ZNF717: variants seen among roughly 807,000 people sequenced by gnomAD.
ZNF717 encodes zinc finger protein 717.
In ZNF717, 9 loss-of-function variants were observed where a neutral mutation model predicts 13.8. The ratio of observed to expected loss-of-function variants is 0.65; its 90% CI spans 0.39 to 1.14. The LOEUF is 1.14. Among genes scored for constraint, ZNF717 ranks in the 50% most tolerant of loss-of-function variants. The probability of loss-of-function intolerance (pLI) is 0.01; values close to 1 mark genes in which losing one functional copy is unlikely to be tolerated. For missense variants in ZNF717, 1,040 were observed against 1,080.7 expected (o/e 0.96, Z 0.53); for synonymous variants, 327 against 364.1 (o/e 0.90, Z 1.16).
chr3:75,703,005 C>T (rs1174795259), intron 6 of ZNF717, among the ~76,000 whole-genome samples: 1 of 152,310 alleles, frequency 6.6e-6, no homozygotes, highest in East Asian at 1.9e-4. Flanking sequence ...CTGTTCTTTA[C>T]TCTGGAGACA....
chr3:75,768,202 T>A (rs1446814590), intron 2 of ZNF717, among the ~76,000 whole-genome samples: 1 of 152,170 alleles, frequency 6.6e-6, no homozygotes, highest in Non-Finnish European at 1.5e-5. Flanking sequence ...TAAAGAGAAA[T>A]GCTGACTGTT....
At chr3:75,776,491 T>C (rs77890759) in intron 2 of ZNF717, among the ~76,000 whole-genome samples, 2 of 152,238 alleles carry the variant, frequency 1.3e-5, no homozygotes, top group African/African-American at 4.8e-5. Context: ...CTGAAGTGTA[T>C]TTTCACCAGC....
At chr3:75,723,475 A>G (rs1161559740) in intron 4 of ZNF717, among the ~76,000 whole-genome samples, 1 of 152,214 alleles carries the variant, frequency 6.6e-6, no homozygotes, top group African/African-American at 2.4e-5. Context: ...GAATAAGAAT[A>G]CTTGTACTAG....
chr3:75,696,783 C>T (rs1937608413), intron 6 of ZNF717, among the ~76,000 whole-genome samples: 1 of 152,288 alleles, frequency 6.6e-6, no homozygotes, highest in East Asian at 1.9e-4. Context: ...ATCCCAGCTA[C>T]TCGGGAGGCT....
chr3:75,742,339 A>AAAAAAAAAAAAAAAG (rs751643617), intron 2 of ZNF717, among the ~76,000 whole-genome samples: 1 of 137,372 alleles, frequency 7.3e-6, no homozygotes. Flanking sequence ...AAAAAAAAAA[A>AAAAAAAAAAAAAAAG]GAATAAAATT....
At chr3:75,768,360 T>TGTGTG (rs71627482) in intron 2 of ZNF717, among the ~76,000 whole-genome samples, 2 of 13,708 alleles carry the variant, frequency 1.5e-4, no homozygotes, top group East Asian at 1.4e-3. Context: ...TGGCTGAGTG[T>TGTGTG]GGGGGGGGGG....
intron 6 of ZNF717, among the ~76,000 whole-genome samples, chr3:75,700,050 T>A (rs1937654443): frequency 6.6e-6 from 1 of 152,294 alleles, no homozygotes; most frequent in Non-Finnish European, 1.5e-5. Flanking sequence ...TCAGTATTTT[T>A]TAAAATGTCC....
exon 6 of ZNF717, chr3:75,730,500 A>G: frequency 5.3e-6 from 3 of 571,382 alleles, no homozygotes; most frequent in Non-Finnish European, 9.2e-6. Context: ...GAACAATATG[A>G]TGGCCAGAAG....
intron 4 of ZNF717, among the ~76,000 whole-genome samples, chr3:75,719,619 G>A (rs76828282): frequency 6.6e-6 from 1 of 152,130 alleles, no homozygotes; most frequent in Non-Finnish European, 1.5e-5. Context: ...TTAAAGAGAT[G>A]CCAGGAAGGA....
At chr3:75,732,705 T>A (rs1209375977), downstream of ZNF717, among the ~76,000 whole-genome samples, 1 of 152,266 alleles carries the variant, frequency 6.6e-6, no homozygotes, top group Admixed American at 6.5e-5. Flanking sequence ...GTTTACAAAT[T>A]ACTTGCTCTA....
intron 2 of ZNF717, among the ~76,000 whole-genome samples, chr3:75,750,290 G>C (rs1575826038): frequency 6.6e-6 from 1 of 150,436 alleles, no homozygotes; most frequent in Non-Finnish European, 1.5e-5. Flanking sequence ...CCAGAACACT[G>C]CTATGAGGGT....
At chr3:75,701,296 C>T (rs1295052337) in intron 6 of ZNF717, among the ~76,000 whole-genome samples, 1 of 152,422 alleles carries the variant, frequency 6.6e-6, no homozygotes, top group African/African-American at 2.4e-5. Context: ...GCCTGCTTCC[C>T]CATCTGCCAT....
chr3:75,695,072 T>C (rs1290667768), intron 6 of ZNF717, among the ~76,000 whole-genome samples: 2 of 152,248 alleles, frequency 1.3e-5, no homozygotes, highest in Non-Finnish European at 2.9e-5. Flanking sequence ...AGGACAATAA[T>C]CTGTGACCTA....
chr3:75,701,257 A>C (rs1341059345), intron 6 of ZNF717, among the ~76,000 whole-genome samples: 1 of 152,302 alleles, frequency 6.6e-6, no homozygotes, highest in Non-Finnish European at 1.5e-5. Flanking sequence ...CTTCACATAC[A>C]TGCTCTCGTC....
intron 5 of ZNF717, chr3:75,711,391 TA>T (rs1307492846): frequency 1.3e-5 from 2 of 152,250 alleles, no homozygotes; most frequent in East Asian, 3.8e-4. Flanking sequence ...GTGAACCACT[TA>T]ATTTCATGTA....
chr3:75,720,777 G>A (rs1489084268), intron 4 of ZNF717, among the ~76,000 whole-genome samples: 2 of 152,198 alleles, frequency 1.3e-5, no homozygotes, highest in African/African-American at 4.8e-5. Context: ...GAGGCCAGGA[G>A]TTCAAGGCCA....
intron 2 of ZNF717, among the ~76,000 whole-genome samples, chr3:75,753,942 T>C (rs80298358): frequency 6.7e-6 from 1 of 150,188 alleles, no homozygotes; most frequent in African/African-American, 2.5e-5. Flanking sequence ...GTCCCTCACA[T>C]AGGATTCCAG....
At chr3:75,724,180 G>T (rs1575723996) in intron 4 of ZNF717, among the ~76,000 whole-genome samples, 4 of 151,952 alleles carry the variant, frequency 2.6e-5, no homozygotes, top group Admixed American at 2.0e-4. Flanking sequence ...TCCTTACCCT[G>T]CCCCCTTGCC....
At chr3:75,706,153 A>C (rs200868898), downstream of ZNF717, among the ~76,000 whole-genome samples, 1 of 145,772 alleles carries the variant, frequency 6.9e-6, no homozygotes, top group African/African-American at 2.6e-5. Flanking sequence ...AAGTGTGATA[A>C]AGCTTTTTAA....
Sources: allele counts gnomAD v4.1 joint callset (sites outside exome capture counted in the v4.1 genomes callset), GRCh38; gene constraint gnomAD v4.1.1; transcripts MANE v1.5; gene names NCBI Gene and HGNC (gene_info 2026-07-23, HGNC 2026-07-21).